The following SMURF2 variants were observed in gnomAD, a reference collection of about 807,000 sequenced individuals.
SMURF2 encodes SMAD specific E3 ubiquitin protein ligase 2.
SMURF2 carries 48 observed loss-of-function variants against 109.6 expected under a neutral mutation model. The ratio of observed to expected loss-of-function variants is 0.44; its 90% CI spans 0.35 to 0.56. The LOEUF is 0.56. SMURF2 is among the 20% of genes least tolerant of loss of function. The pLI is 0.01. For synonymous variants in SMURF2, 288 were observed against 317.1 expected, an observed-to-expected ratio of 0.91 and a Z score of 0.97; for missense variants, 575 against 909.0, an observed-to-expected ratio of 0.63 and a Z score of 4.72.
chr17:64,568,417 T>C (rs1969346924), intron 10 of SMURF2, among the ~76,000 whole-genome samples: 1 of 151,924 alleles, frequency 6.6e-6, no homozygotes, highest in African/African-American at 2.4e-5. Context: ...AGGCAGGAGG[T>C]AAATAAAGCA....
intron 2 of SMURF2, among the ~76,000 whole-genome samples, chr17:64,598,900 T>C (rs1435338115): frequency 2.6e-5 from 4 of 152,174 alleles, no homozygotes; most frequent in Non-Finnish European, 5.9e-5. Context: ...AAGGTTTTTA[T>C]ACAGGAACAC....
rs866321574 is a variant in SMURF2, at chr17:64,661,852, C to T, written c.29G>A (p.Gly10Glu). 1.6e-3 allele frequency: 1,940 copies of T among 1,220,396 alleles called. 3 individuals carry two copies. The highest frequency in any genetic ancestry group is 2.5e-3 in the Middle Eastern group (8 of 3,152). 75.6% of individuals were successfully genotyped at this position (1,220,396 alleles called of 1,614,324 possible). ...ACCTGTCAGGCGCAGCTTGACGGGC[C>T]CGTTCCTCCGGCCTCCGGGGTTAGA... MSNPGGRRN[G>E]PVKLRLTVLC... is the part of the protein sequence containing the mutation. The change falls in exon 1 of 19, where the codon GGG (glycine) becomes GAG (glutamate). Residue 10 changes from glycine to glutamate, a missense_variant. Physicochemically the swap from Gly to Glu is moderately conservative, Grantham distance 98. Around this residue, in one of 5 missense-constraint regions of SMURF2, gnomAD observed 30 missense variants for 34.5 expected, o/e 0.87. Transcript: ENST00000262435.
rs1477630378 is a variant in SMURF2 at position 64,543,344 on chromosome 17, G to C, written c.*2504C>G. ...GGCTGGAGTGCAGTGGTGCGATCTC[G>C]GCTCACTGCAATCTCTGCCTCCCAG... On this transcript the variant is annotated 3_prime_UTR_variant, in exon 19 of 19. Coordinates refer to ENST00000262435, the MANE Select transcript of SMURF2 (RefSeq NM_022739.4). 6.7e-6 allele frequency: 1 copy of C among 150,030 alleles called. No individual in the cohort carries two copies. Among genetic ancestry groups the C allele is most frequent in the South Asian group, 2.1e-4 (1 of 4,742 alleles). The allele number at this position is 150,030 out of a possible 1,614,324, so 9.3% of individuals were successfully genotyped here. A position where few individuals can be genotyped will look rare whatever the true frequency, so the allele number is the denominator to read the frequency against.
intron 1 of SMURF2, among the ~76,000 whole-genome samples, chr17:64,647,863 C>G (rs782165252): frequency 2.6e-4 from 40 of 151,544 alleles, no homozygotes; most frequent in Middle Eastern, 3.4e-3. Flanking sequence ...CAAGACCATC[C>G]TGGGCAACAG....
At chr17:64,597,638 TGGTGG>T (rs1475524471) in intron 3 of SMURF2, among the ~76,000 whole-genome samples, 1 of 151,824 alleles carries the variant, frequency 6.6e-6, no homozygotes, top group Non-Finnish European at 1.5e-5. Flanking sequence ...CTGAATGTGG[TGGTGG>T]GCACCTGTAG....
intron 6 of SMURF2, among the ~76,000 whole-genome samples, chr17:64,585,001 G>A (rs1415216734): frequency 6.6e-6 from 1 of 152,052 alleles, no homozygotes; most frequent in Non-Finnish European, 1.5e-5. Context: ...AGTGACCTAC[G>A]AACAGTTAAT....
intron 11 of SMURF2, 151 bp from the exon 12 acceptor site, chr17:64,561,754 T>C (rs537895919): frequency 1.5e-5 from 9 of 585,274 alleles, no homozygotes; most frequent in Non-Finnish European, 2.7e-5. Flanking sequence ...CCCAACACTT[T>C]GGGAGGCTGA....
rs1209649882 is a variant in SMURF2 at position 64,592,631 on chromosome 17, C to T, written c.334+809G>A. Reference sequence around the variant, plus strand: ...TTAGCATATGCATCTGGGCTAAAATCCCATGACGATGACTAACGGTATTTT... The same window carrying T: ...TTAGCATATGCATCTGGGCTAAAATTCCATGACGATGACTAACGGTATTTT... On this transcript the variant is annotated intron_variant, in intron 4 of 18. Coordinates refer to ENST00000262435, the MANE Select transcript of SMURF2 (RefSeq NM_022739.4). Among the ~76,000 whole-genome samples, 7 of 152,152 alleles carry T rather than the reference C, an allele frequency of 4.6e-5. No homozygotes were observed. In the East Asian group the frequency reaches 9.7e-4, roughly 21 times the overall value.
At chr17:64,558,506 G>A (rs1568173413) in intron 12 of SMURF2, among the ~76,000 whole-genome samples, 2 of 152,076 alleles carry the variant, frequency 1.3e-5, no homozygotes, top group African/African-American at 4.8e-5. Context: ...TTTTGGACAA[G>A]GCTATATTTT....
intron 15 of SMURF2, 33 bp from the exon 16 acceptor site, chr17:64,551,737 CAT>C: frequency 6.2e-7 from 1 of 1,610,260 alleles, no homozygotes. Flanking sequence ...CGTATAATCA[CAT>C]GTATTTTCAG....
intron 4 of SMURF2, among the ~76,000 whole-genome samples, chr17:64,592,390 C>A (rs1969762795): frequency 6.6e-6 from 1 of 152,174 alleles, no homozygotes; most frequent in South Asian, 2.1e-4. Context: ...ACCCTGTCAG[C>A]CCAGAAATAC....
chr17:64,622,640 A>C (rs190863913), intron 1 of SMURF2, among the ~76,000 whole-genome samples: 1 of 152,304 alleles, frequency 6.6e-6, no homozygotes, highest in Non-Finnish European at 1.5e-5. Context: ...ACAAAGGTAA[A>C]GGTACCATTC....
chr17:64,614,049 G>A (rs782448272), intron 1 of SMURF2, among the ~76,000 whole-genome samples: 3 of 152,060 alleles, frequency 2.0e-5, no homozygotes, highest in East Asian at 3.9e-4. Context: ...ATCTATTGCC[G>A]CTGCTGATCT....
At chr17:64,629,613 CAGA>C (rs1970311145) in intron 1 of SMURF2, among the ~76,000 whole-genome samples, 1 of 152,158 alleles carries the variant, frequency 6.6e-6, no homozygotes, top group African/African-American at 2.4e-5. Context: ...CATTTGTAAT[CAGA>C]AGATTTTAGA....
chr17:64,558,215 C>G (rs529547215), intron 12 of SMURF2, among the ~76,000 whole-genome samples: 5 of 152,218 alleles, frequency 3.3e-5, no homozygotes, highest in African/African-American at 1.2e-4. Context: ...GCCTGGGCAA[C>G]AAGGCGAAAT....
In SMURF2 at chr17:64,557,726, G is replaced by C. The variant is rs1555684156; in HGVS notation, c.1317-4C>G. ...TGACAAGAGATACAACCATTCCCTA[G>C]AAAACAAGATATGACCAAGGAATTT... On this transcript the variant is annotated splice_region_variant and splice_polypyrimidine_tract_variant and intron_variant, in intron 12 of 18. Coordinates refer to ENST00000262435, the MANE Select transcript of SMURF2 (RefSeq NM_022739.4). 2 of 1,571,800 alleles carry C rather than the reference G, an allele frequency of 1.3e-6. No individual in the cohort carries two copies. The highest frequency in any genetic ancestry group is 1.7e-5 in the Admixed American group (1 of 57,880).
intron 2 of SMURF2, among the ~76,000 whole-genome samples, chr17:64,602,185 G>A (rs185833500): frequency 6.6e-6 from 1 of 151,770 alleles, no homozygotes; most frequent in African/African-American, 2.4e-5. Flanking sequence ...GGAAAGGGTG[G>A]GGGTAACAGG....
At chr17:64,557,919 G>A (rs1969149207) in intron 12 of SMURF2, among the ~76,000 whole-genome samples, 197 bp from the exon 13 acceptor site, 1 of 152,054 alleles carries the variant, frequency 6.6e-6, no homozygotes, top group African/African-American at 2.4e-5. Context: ...TTATATTGAA[G>A]TAACATCTCA....
At chr17:64,622,241 G>A (rs1304817063) in intron 1 of SMURF2, among the ~76,000 whole-genome samples, 1 of 151,846 alleles carries the variant, frequency 6.6e-6, no homozygotes. Context: ...TTACAGAAAA[G>A]TTACAAAGTT....
Sources: allele counts gnomAD v4.1 joint callset (sites outside exome capture counted in the v4.1 genomes callset), GRCh38; gene constraint gnomAD v4.1.1; regional missense constraint gnomAD v4.1.1; transcripts MANE v1.5; gene names NCBI Gene and HGNC (gene_info 2026-07-23, HGNC 2026-07-21).